Variants in DNAH12 observed in about 807,000 individuals in gnomAD.
The protein encoded by DNAH12 is dynein axonemal heavy chain 12, also known as axonemal beta dynein heavy chain 12.
Under a neutral mutation model 371.5 loss-of-function variants are expected in DNAH12, and 285 were observed. The observed-to-expected ratio is 0.77, with a 90% CI of 0.70 to 0.85. The LOEUF (loss-of-function observed/expected upper bound fraction) is 0.85. Among genes scored for constraint, DNAH12 ranks in the 40% least tolerant of loss-of-function variants. DNAH12 has a pLI of 0.00. For synonymous variants in DNAH12, 1,200 were observed against 1,213.0 expected (o/e 0.99, Z 0.22); for missense variants, 3,611 against 3,689.4 (o/e 0.98, Z 0.55).
At chr3:57,426,453 C>T (rs377195811) in intron 34 of DNAH12, among the ~76,000 whole-genome samples, 6 of 151,798 alleles carry the variant, frequency 4.0e-5, no homozygotes, top group African/African-American at 1.2e-4. Context: ...GATACTATAA[C>T]GGGAAGGGTG....
At chr3:57,450,992 C>G (rs1217412097) in intron 25 of DNAH12, among the ~76,000 whole-genome samples, 1 of 152,188 alleles carries the variant, frequency 6.6e-6, no homozygotes, top group Non-Finnish European at 1.5e-5. Context: ...AAAGTCAGAC[C>G]CTGCTGCTTT....
intron 2 of DNAH12, among the ~76,000 whole-genome samples, chr3:57,535,966 C>A (rs998523731): frequency 6.6e-6 from 1 of 151,734 alleles, no homozygotes; most frequent in African/African-American, 2.4e-5. Flanking sequence ...CCACCTGAGT[C>A]GCTGGGATTA....
At chr3:57,488,311 A>G (rs1043587456) in intron 12 of DNAH12, among the ~76,000 whole-genome samples, 3 of 150,238 alleles carry the variant, frequency 2.0e-5, no homozygotes, top group Non-Finnish European at 4.4e-5. Context: ...TCCTGCCTCA[A>G]CCTCCTGAGT....
chr3:57,455,233 C>G (rs912007645), intron 22 of DNAH12, among the ~76,000 whole-genome samples: 2 of 151,506 alleles, frequency 1.3e-5, no homozygotes, highest in East Asian at 1.9e-4. Context: ...CCTATTACTT[C>G]TATCATAATA....
chr3:57,419,979 A>C (rs2064515755), intron 36 of DNAH12, among the ~76,000 whole-genome samples: 1 of 152,238 alleles, frequency 6.6e-6, no homozygotes. Context: ...TTTAAAACAA[A>C]TGGGCAATAA....
chr3:57,481,602 T>C (rs528296086), intron 13 of DNAH12, among the ~76,000 whole-genome samples: 143 of 152,246 alleles, frequency 9.4e-4, no homozygotes, highest in African/African-American at 2.9e-3. Context: ...AAAAAGAGCC[T>C]GCATTGCCAA....
rs140568005 is a variant in DNAH12, at chr3:57,404,777, A to G, written c.6755+192T>C. Among the ~76,000 whole-genome samples, 682 of 152,300 alleles carry G rather than the reference A, an allele frequency of 4.5e-3. 4 individuals carry two copies. Among genetic ancestry groups the G allele is most frequent in the African/African-American group, 0.015 (644 of 41,570 alleles). On this transcript the variant is annotated intron_variant, in intron 42 of 73. Transcript: ENST00000495027. Reference sequence around the variant, plus strand: ...TTCTTTTCACTACTACTCGTATGACACAGGATGCAGTGAGACAGGGTGACT... The same window carrying G: ...TTCTTTTCACTACTACTCGTATGACGCAGGATGCAGTGAGACAGGGTGACT...
chr3:57,408,303 G>C lies in DNAH12; in HGVS notation c.6253C>G (p.Gln2085Glu), dbSNP rs1300125859. The C allele has an allele frequency of 6.5e-7, 1 of 1,550,358 alleles. No homozygotes were observed. Among genetic ancestry groups the C allele is most frequent in the Non-Finnish European group, 8.7e-7 (1 of 1,146,496 alleles). Residue 2085 changes from glutamine (Q) to glutamate (E), a missense_variant, in exon 40 of 74, where the codon CAG (glutamine) becomes GAG (glutamate). This residue lies in a region of DNAH12 where 2,266 missense variants were observed against 2,236.9 expected (regional missense o/e 1.01). Coordinates refer to ENST00000495027, the MANE Select transcript of DNAH12 (RefSeq NM_001366028.2). Reference sequence around the variant, plus strand: ...ACCTCCATAGTCCCATTGACTATCTGGTTCCCAATTACAAAGTACTCTGGA... The same window carrying C: ...ACCTCCATAGTCCCATTGACTATCTCGTTCCCAATTACAAAGTACTCTGGA... ...FPPEYFVIGN[Q>E]IVNGTMEIYK... is the part of the protein sequence containing the mutation.
chr3:57,393,306 A>G (rs1383360909), intron 44 of DNAH12, among the ~76,000 whole-genome samples: 1 of 152,158 alleles, frequency 6.6e-6, no homozygotes, highest in African/African-American at 2.4e-5. Context: ...GTAATGAGAA[A>G]GTGTGACATT....
intron 17 of DNAH12, among the ~76,000 whole-genome samples, chr3:57,466,082 ACAC>A (rs2066193780): frequency 6.6e-6 from 1 of 152,060 alleles, no homozygotes; most frequent in Admixed American, 6.6e-5. Flanking sequence ...ACACACACAC[ACAC>A]ACACACACCA....
chr3:57,308,862 C>T (rs1177299007), intron 69 of DNAH12, among the ~76,000 whole-genome samples: 1 of 152,030 alleles, frequency 6.6e-6, no homozygotes, highest in Non-Finnish European at 1.5e-5. Flanking sequence ...TTAATTCATA[C>T]AAAACCGTAT....
At chr3:57,521,950 G>A (rs13070173) in intron 4 of DNAH12, among the ~76,000 whole-genome samples, 62,942 of 151,436 alleles carry the variant, frequency 0.42, 14,574 homozygotes, top group South Asian at 0.57. Flanking sequence ...TTGGCCAGGC[G>A]AGATGTCTCA....
At chr3:57,503,413 G>A (rs748185534) in intron 9 of DNAH12, among the ~76,000 whole-genome samples, 9 of 148,004 alleles carry the variant, frequency 6.1e-5, no homozygotes, top group Admixed American at 1.3e-4. Flanking sequence ...TTTTTGAGAC[G>A]GAGTCTCACT....
chr3:57,492,864 G>A (rs571437143), intron 11 of DNAH12, among the ~76,000 whole-genome samples: 1 of 152,142 alleles, frequency 6.6e-6, no homozygotes, highest in Non-Finnish European at 1.5e-5. Context: ...AATTGGCCAG[G>A]TGTAGTGGTA....
At chr3:57,311,144 C>T (rs924386656) in intron 66 of DNAH12, among the ~76,000 whole-genome samples, 194 bp from the exon 67 acceptor site, 6 of 152,082 alleles carry the variant, frequency 3.9e-5, no homozygotes, top group Non-Finnish European at 8.8e-5. Context: ...GGCATGATTT[C>T]AGCTCACTGC....
intron 9 of DNAH12, 60 bp downstream of exon 9, chr3:57,503,955 CT>C: frequency 1.5e-6 from 2 of 1,367,050 alleles, no homozygotes; most frequent in South Asian, 2.6e-5. Flanking sequence ...TACACATACA[CT>C]GCATAGAGAT....
chr3:57,415,333 T>C (rs1284358295), intron 38 of DNAH12, 93 bp downstream of exon 38: 2 of 1,442,542 alleles, frequency 1.4e-6, no homozygotes. Context: ...TTCATAGATT[T>C]ACACAGTTGC....
intron 12 of DNAH12, 100 bp downstream of exon 12, chr3:57,489,409 T>C: frequency 2.4e-6 from 3 of 1,237,480 alleles, no homozygotes; most frequent in Non-Finnish European, 3.2e-6. Context: ...AAGTTGTACG[T>C]ACTTACATAT....
At chr3:57,537,815 G>A (rs1464689527) in intron 2 of DNAH12, among the ~76,000 whole-genome samples, 1 of 151,812 alleles carries the variant, frequency 6.6e-6, no homozygotes, top group East Asian at 1.9e-4. Flanking sequence ...CTCCCGAGTA[G>A]CTAGGACTAC....
Sources: allele counts gnomAD v4.1 joint callset (sites outside exome capture counted in the v4.1 genomes callset), GRCh38; gene constraint gnomAD v4.1.1; regional missense constraint gnomAD v4.1.1; transcripts MANE v1.5; gene names NCBI Gene and HGNC (gene_info 2026-07-23, HGNC 2026-07-21).